NCAM2: variants seen among roughly 807,000 people sequenced by gnomAD.
NCAM2 encodes N-CAM-2.
A neutral mutation model predicts 98.1 loss-of-function variants in NCAM2; 30 were observed. The observed-to-expected ratio is 0.31, with a 90% CI of 0.23 to 0.41. The LOEUF (loss-of-function observed/expected upper bound fraction) is 0.41. Among genes scored for constraint, NCAM2 ranks in the 10% least tolerant of loss-of-function variants. The probability of loss-of-function intolerance (pLI) is 1.00; values close to 1 mark genes in which losing one functional copy is unlikely to be tolerated. For synonymous variants in NCAM2, 368 were observed against 342.4 expected (o/e 1.07, Z -0.83); for missense variants, 867 against 1,005.8 (o/e 0.86, Z 1.87).
At chr21:21,104,663 A>G (rs2066309673) in intron 1 of NCAM2, among the ~76,000 whole-genome samples, 1 of 152,150 alleles carries the variant, frequency 6.6e-6, no homozygotes. Flanking sequence ...TGCAAGAAAT[A>G]GAAAGAAGGG....
intron 16 of NCAM2, among the ~76,000 whole-genome samples, chr21:21,531,021 T>C (rs1180457041): frequency 1.3e-5 from 2 of 152,172 alleles, no homozygotes; most frequent in African/African-American, 4.8e-5. Context: ...ATTTTGATGT[T>C]ATTTAAGATT....
intron 1 of NCAM2, among the ~76,000 whole-genome samples, chr21:21,085,670 A>G (rs1229968453): frequency 6.6e-6 from 1 of 152,164 alleles, no homozygotes; most frequent in Non-Finnish European, 1.5e-5. Flanking sequence ...ACAGCTTTTT[A>G]AAGGCATGTG....
chr21:21,530,696 A>G (rs568652940), intron 16 of NCAM2, among the ~76,000 whole-genome samples: 19 of 151,896 alleles, frequency 1.3e-4, no homozygotes, highest in Non-Finnish European at 2.4e-4. Flanking sequence ...TTCATAAATG[A>G]GTAGTATTCC....
chr21:21,330,285 C>T (rs995097048), intron 6 of NCAM2, among the ~76,000 whole-genome samples: 1 of 151,908 alleles, frequency 6.6e-6, no homozygotes, highest in Admixed American at 6.6e-5. Flanking sequence ...TCTGTTTTTC[C>T]TCTCTAAATA....
intron 1 of NCAM2, among the ~76,000 whole-genome samples, chr21:21,149,194 A>G (rs2067373437): frequency 6.6e-6 from 1 of 152,138 alleles, no homozygotes; most frequent in Admixed American, 6.6e-5. Flanking sequence ...TGGCTATTTG[A>G]GGTCTTCCTT....
At chr21:21,436,329 T>A (rs1978328138) in intron 12 of NCAM2, among the ~76,000 whole-genome samples, 1 of 152,198 alleles carries the variant, frequency 6.6e-6, no homozygotes, top group South Asian at 2.1e-4. Flanking sequence ...CTTAGGTCCT[T>A]TTAATACTTC....
chr21:21,237,902 A>T (rs1355695817), intron 1 of NCAM2, among the ~76,000 whole-genome samples: 1 of 151,852 alleles, frequency 6.6e-6, no homozygotes, highest in African/African-American at 2.4e-5. Flanking sequence ...ACTTCCTTTA[A>T]AGAATCTTTC....
chr21:21,068,338 T>A (rs1206377606), intron 1 of NCAM2, among the ~76,000 whole-genome samples: 1 of 151,934 alleles, frequency 6.6e-6, no homozygotes, highest in Non-Finnish European at 1.5e-5. Context: ...TTCACCATGT[T>A]GGCCAGGCTG....
At chr21:21,238,925 G>A (rs1054339386) in intron 1 of NCAM2, among the ~76,000 whole-genome samples, 11 of 152,128 alleles carry the variant, frequency 7.2e-5, no homozygotes, top group Non-Finnish European at 1.5e-4. Context: ...CCCCTCAGTG[G>A]GTCATTACAG....
chr21:21,413,671 C>T (rs2076931631), intron 10 of NCAM2, among the ~76,000 whole-genome samples: 1 of 152,118 alleles, frequency 6.6e-6, no homozygotes, highest in South Asian at 2.1e-4. Context: ...GTCTACATAA[C>T]ATAACTGAAA....
intron 1 of NCAM2, among the ~76,000 whole-genome samples, chr21:21,109,757 C>T (rs192781265): frequency 3.6e-4 from 55 of 152,160 alleles, no homozygotes; most frequent in African/African-American, 1.2e-3. Flanking sequence ...AACTGTTTGA[C>T]GATAGTAAGA....
intron 1 of NCAM2, among the ~76,000 whole-genome samples, chr21:21,201,532 A>G (rs1289781849): frequency 6.6e-6 from 1 of 152,244 alleles, no homozygotes; most frequent in Non-Finnish European, 1.5e-5. Flanking sequence ...TAGTGAATTA[A>G]TGGAAAGAAA....
intron 5 of NCAM2, among the ~76,000 whole-genome samples, chr21:21,315,542 T>C (rs2074195415): frequency 6.6e-6 from 1 of 152,206 alleles, no homozygotes; most frequent in Non-Finnish European, 1.5e-5. Context: ...GTTTATCTGA[T>C]TGAAGAAGAA....
At chr21:21,446,942 G>A (rs1236632102) in intron 12 of NCAM2, among the ~76,000 whole-genome samples, 1 of 152,068 alleles carries the variant, frequency 6.6e-6, no homozygotes, top group Non-Finnish European at 1.5e-5. Flanking sequence ...CTCATGGATA[G>A]GAAGAATCAA....
intron 9 of NCAM2, chr21:21,385,664 A>G: frequency 7.8e-7 from 1 of 1,286,346 alleles, no homozygotes; most frequent in Non-Finnish European, 1.0e-6. Flanking sequence ...GCGTTACTTT[A>G]CTAAGAAGCA....
At position 21,486,368 on chromosome 21, in the gene NCAM2, A is replaced by G. The variant is rs233762; in HGVS notation, c.2077+8897A>G. ...CTTTCTCCCCTGCTGAGATAAAACG[A>G]TATCTCAACTCACACATTATGGAAA... On this transcript the variant is annotated intron_variant, in intron 15 of 17. Transcript: ENST00000400546. 4.7e-3 allele frequency among the ~76,000 whole-genome samples: 714 copies of G among 151,674 alleles called. 7 individuals are homozygous for G. The highest frequency in any genetic ancestry group is 0.016 in the African/African-American group (652 of 41,384).
At position 21,459,212 on chromosome 21, in the gene NCAM2, T is replaced by C. The variant is rs116829312; in HGVS notation, c.1655-7394T>C. ...GAGAAAAGTTAAGTGTTCGCAAGCATGTAGAGAAACGGTAACAGTGTACAC... is the reference window on the plus strand; with the variant it reads ...GAGAAAAGTTAAGTGTTCGCAAGCACGTAGAGAAACGGTAACAGTGTACAC... On this transcript the variant is annotated intron_variant, in intron 12 of 17. Coordinates refer to ENST00000400546, the MANE Select transcript of NCAM2 (RefSeq NM_004540.5). 5.4e-3 allele frequency among the ~76,000 whole-genome samples: 818 copies of C among 151,976 alleles called. 8 individuals carry two copies. The highest frequency in any genetic ancestry group is 0.019 in the African/African-American group (782 of 41,476).
intron 1 of NCAM2, among the ~76,000 whole-genome samples, chr21:21,207,972 G>A (rs942525149): frequency 2.6e-5 from 4 of 152,094 alleles, no homozygotes; most frequent in Admixed American, 2.6e-4. Context: ...AATGGGTTCT[G>A]TAAAACAGGT....
chr21:21,029,452 C>T (rs1020122152), intron 1 of NCAM2, among the ~76,000 whole-genome samples: 7 of 151,990 alleles, frequency 4.6e-5, no homozygotes, highest in East Asian at 1.9e-4. Context: ...CCTATGTCTG[C>T]GGTTAACTTT....
Sources: gnomAD v4.1 joint callset for allele counts (sites outside exome capture counted in the v4.1 genomes callset) on GRCh38, gnomAD v4.1.1 for gene constraint, MANE v1.5 for transcripts, NCBI Gene and HGNC (gene_info 2026-07-23, HGNC 2026-07-21) for gene names.